The following KIRREL3 variants were observed in gnomAD, a reference collection of about 807,000 sequenced individuals.
KIRREL3 encodes kirre like nephrin family adhesion molecule 3.
A neutral mutation model predicts 89.7 loss-of-function variants in KIRREL3; 36 were observed. That is an observed-to-expected ratio of 0.40 (90% CI 0.31 to 0.53). The LOEUF (loss-of-function observed/expected upper bound fraction) is 0.53, where lower values mean the gene tolerates loss of function less well. Among genes scored for constraint, KIRREL3 ranks in the 20% least tolerant of loss-of-function variants. The pLI is 0.49. For missense variants in KIRREL3, 864 were observed against 1,056.6 expected (o/e 0.82, Z 2.53); for synonymous variants, 445 against 441.4 (o/e 1.01, Z -0.10).
rs769722346 is a variant in KIRREL3 at position 126,734,468 on chromosome 11, A to G, written c.56-171556T>C. On this transcript the variant is annotated intron_variant, in intron 1 of 16. Coordinates refer to ENST00000525144, the MANE Select transcript of KIRREL3 (RefSeq NM_032531.4). The surrounding 1 kb of genome is among the most constrained non-coding windows in gnomAD (Gnocchi z 5.9). ...CACCTGAGGTCAGGAGTTCGAGACC[A>G]GCCTGACCAACATGGAGAAACCCTG... Among the ~76,000 whole-genome samples, 30 of 152,168 alleles carry G rather than the reference A, an allele frequency of 2.0e-4. No individual in the cohort carries two copies. The highest frequency in any genetic ancestry group is 1.3e-4 in the Non-Finnish European group (9 of 68,030).
chr11:126,529,147 C>T (rs1958860484), intron 2 of KIRREL3, among the ~76,000 whole-genome samples: 1 of 152,088 alleles, frequency 6.6e-6, no homozygotes, highest in African/African-American at 2.4e-5. Context: ...CGTCCTGTGT[C>T]CTCTTGGAGG....
intron 4 of KIRREL3, among the ~76,000 whole-genome samples, chr11:126,505,900 G>A (rs2186650): frequency 0.37 from 56,232 of 152,036 alleles, 11,356 homozygotes; most frequent in African/African-American, 0.52. Context: ...TAGCTTTCAC[G>A]CAATTCCTAT....
chr11:126,602,496 C>G (rs1942704640), intron 1 of KIRREL3, among the ~76,000 whole-genome samples: 1 of 152,230 alleles, frequency 6.6e-6, no homozygotes, highest in Non-Finnish European at 1.5e-5. Flanking sequence ...TGCTGTCATC[C>G]TCCCCTGACA....
In KIRREL3 at chr11:126,744,252, T is replaced by A. The variant is rs964433710; in HGVS notation, c.56-181340A>T. ...TGAAACACACAACTTTTTTTTTTTTTATGGGTGGAAAGCCTTTGATAAGCA... is the reference window on the plus strand; with the variant it reads ...TGAAACACACAACTTTTTTTTTTTTAATGGGTGGAAAGCCTTTGATAAGCA... On this transcript the variant is annotated intron_variant, in intron 1 of 16. Transcript: ENST00000525144. The surrounding 1 kb of genome is among the most constrained non-coding windows in gnomAD (Gnocchi z 4.7). Among the ~76,000 whole-genome samples the A allele has an allele frequency of 2.0e-5, 3 of 151,232 alleles. No individual in the cohort carries two copies. Among genetic ancestry groups the A allele is most frequent in the Non-Finnish European group, 4.4e-5 (3 of 67,836 alleles).
At chr11:126,436,672 T>C (rs1341650785) in intron 12 of KIRREL3, 139 bp downstream of exon 12, 17 of 878,520 alleles carry the variant, frequency 1.9e-5, no homozygotes, top group Non-Finnish European at 2.8e-5. Flanking sequence ...GGCTAGGCTG[T>C]GTGGTCAGCC....
At chr11:126,765,059 T>G (rs1255228487) in intron 1 of KIRREL3, among the ~76,000 whole-genome samples, 1 of 152,200 alleles carries the variant, frequency 6.6e-6, no homozygotes, top group Non-Finnish European at 1.5e-5. Flanking sequence ...TTCCTAGAGA[T>G]GGACAGGAGA....
Position 126,805,676 on chromosome 11 carries a change from A to G in KIRREL3, c.55+194779T>C, listed in dbSNP as rs1337019750. Among the ~76,000 whole-genome samples the G allele has an allele frequency of 1.3e-5, 2 of 152,230 alleles. No homozygotes were observed. Among genetic ancestry groups the G allele is most frequent in the African/African-American group, 4.8e-5 (2 of 41,466 alleles). On this transcript the variant is annotated intron_variant, in intron 1 of 16. Coordinates refer to ENST00000525144, the MANE Select transcript of KIRREL3 (RefSeq NM_032531.4). The surrounding 1 kb of genome is among the most constrained non-coding windows in gnomAD (Gnocchi z 4.3). ...CCACAGTACAAAGTATGTAATAGATATTACGTTTTTATTTACTACTATGTA... is the reference window on the plus strand; with the variant it reads ...CCACAGTACAAAGTATGTAATAGATGTTACGTTTTTATTTACTACTATGTA...
At chr11:126,832,595 G>T (rs925558030) in intron 1 of KIRREL3, among the ~76,000 whole-genome samples, 1 of 152,156 alleles carries the variant, frequency 6.6e-6, no homozygotes, top group Non-Finnish European at 1.5e-5. Context: ...GCCAGATCGC[G>T]AGATAAGCTT....
At chr11:126,658,357 A>G (rs1230477584) in intron 1 of KIRREL3, among the ~76,000 whole-genome samples, 1 of 152,200 alleles carries the variant, frequency 6.6e-6, no homozygotes, top group Non-Finnish European at 1.5e-5. Context: ...CCACTCCTAA[A>G]GAAAAAGCAC....
intron 1 of KIRREL3, among the ~76,000 whole-genome samples, chr11:126,842,134 C>T (rs540148184): frequency 3.9e-5 from 6 of 151,970 alleles, no homozygotes; most frequent in Non-Finnish European, 5.9e-5. Context: ...GAAGGGGAGC[C>T]GCTGAGCCTG....
chr11:126,600,050 G>C (rs1323305010), intron 1 of KIRREL3, among the ~76,000 whole-genome samples: 1 of 152,182 alleles, frequency 6.6e-6, no homozygotes, highest in Non-Finnish European at 1.5e-5. Context: ...ACTAGTTTGC[G>C]TGTTCTGTCC....
At chr11:126,944,791 T>C (rs1948569638) in intron 1 of KIRREL3, 1 of 152,256 alleles carries the variant, frequency 6.6e-6, no homozygotes, top group Non-Finnish European at 1.5e-5. Context: ...CCCTTCTCCA[T>C]TGCTCCTGGG....
rs560944353 is a variant in KIRREL3 at position 126,697,816 on chromosome 11, A to G, written c.56-134904T>C. Among the ~76,000 whole-genome samples the G allele has an allele frequency of 6.6e-6, 1 of 152,286 alleles. No homozygotes were observed. The highest frequency in any genetic ancestry group is 1.5e-5 in the Non-Finnish European group (1 of 68,022). ...TTAATCAAGTCCTACTCAGACCACA[A>G]ACAAGCAGCCCTGCTCTTGACAGTC... On this transcript the variant is annotated intron_variant, in intron 1 of 16. Transcript: ENST00000525144. This position sits in a 1 kb window ranked among gnomAD's most constrained non-coding sequence, Gnocchi z 4.2.
chr11:126,447,549 G>A (rs7936304), intron 8 of KIRREL3, among the ~76,000 whole-genome samples: 34,857 of 152,110 alleles, frequency 0.23, 4,704 homozygotes, highest in East Asian at 0.64. Context: ...CCATTGCAGT[G>A]GAGCAGCCCT....
At chr11:126,591,017 G>A (rs1942107061) in intron 1 of KIRREL3, among the ~76,000 whole-genome samples, 1 of 152,224 alleles carries the variant, frequency 6.6e-6, no homozygotes, top group South Asian at 2.1e-4. Context: ...CTTGAGCCCA[G>A]GAGTTTGAGA....
At chr11:126,592,864 A>G (rs1324490254) in intron 1 of KIRREL3, among the ~76,000 whole-genome samples, 1 of 152,076 alleles carries the variant, frequency 6.6e-6, no homozygotes, top group East Asian at 1.9e-4. Flanking sequence ...CAGGCAGAAA[A>G]GGCCTGTTGT....
chr11:126,687,895 C>T lies in KIRREL3; in HGVS notation c.56-124983G>A, dbSNP rs1946727012. Among the ~76,000 whole-genome samples the T allele has an allele frequency of 6.6e-6, 1 of 152,106 alleles. No individual in the cohort carries two copies. The highest frequency in any genetic ancestry group is 1.5e-5 in the Non-Finnish European group (1 of 68,004). ...ACTGCCAGCGAGGGAGAAAGCCCTC[C>T]TAGGCCCGAAGCAGCAAAAGAAAGC... is the stretch of plus-strand genomic sequence containing the variant. On this transcript the variant is annotated intron_variant, in intron 1 of 16. Transcript: ENST00000525144. The surrounding 1 kb of genome is among the most constrained non-coding windows in gnomAD (Gnocchi z 4.6).
At chr11:126,942,784 A>G (rs1948496763) in intron 1 of KIRREL3, among the ~76,000 whole-genome samples, 1 of 152,164 alleles carries the variant, frequency 6.6e-6, no homozygotes, top group African/African-American at 2.4e-5. Flanking sequence ...CGCTCCCTTG[A>G]GCCCTGGAGC....
chr11:126,910,981 T>C (rs1182543960), intron 1 of KIRREL3, among the ~76,000 whole-genome samples: 1 of 152,134 alleles, frequency 6.6e-6, no homozygotes, highest in African/African-American at 2.4e-5. Context: ...AAGGTGGGCT[T>C]TATAACACCC....
Sources: gnomAD v4.1 joint callset for allele counts (sites outside exome capture counted in the v4.1 genomes callset) on GRCh38, gnomAD v4.1.1 for gene constraint, Gnocchi (gnomAD v3.1) non-coding constraint, MANE v1.5 for transcripts, NCBI Gene and HGNC (gene_info 2026-07-23, HGNC 2026-07-21) for gene names.